The following PLEKHA6 variants were observed in gnomAD, a reference collection of about 807,000 sequenced individuals.
PLEKHA6 encodes the protein pleckstrin homology domain-containing family A member 6.
PLEKHA6 carries 60 observed loss-of-function variants against 116.7 expected under a neutral mutation model. The ratio of observed to expected loss-of-function variants is 0.51; its 90% CI spans 0.42 to 0.64. PLEKHA6 has a LOEUF of 0.64. PLEKHA6 is among the 30% of genes least tolerant of loss of function. PLEKHA6 has a pLI of 0.00. For synonymous variants in PLEKHA6, 489 were observed against 556.1 expected, an observed-to-expected ratio of 0.88 and a Z score of 1.70; for missense variants, 1,338 against 1,422.7, an observed-to-expected ratio of 0.94 and a Z score of 0.96.
chr1:204,347,100 G>T, intron 1 of PLEKHA6: 1 of 1,253,910 alleles, frequency 8.0e-7, no homozygotes, highest in Non-Finnish European at 1.2e-6. Context: ...AACGCGTGTG[G>T]GGCATTCCTT....
chr1:204,345,833 A>G (rs1673022122), intron 1 of PLEKHA6, among the ~76,000 whole-genome samples: 1 of 152,170 alleles, frequency 6.6e-6, no homozygotes, highest in African/African-American at 2.4e-5. Context: ...CTTAATGGTA[A>G]GAGACCAGAA....
At chr1:204,349,042 C>T (rs576134231) in intron 1 of PLEKHA6, among the ~76,000 whole-genome samples, 28 of 152,292 alleles carry the variant, frequency 1.8e-4, no homozygotes, top group Admixed American at 1.5e-3. Flanking sequence ...CCCTCAGACA[C>T]GGAGGGAACA....
At chr1:204,302,375 G>T (rs1331489319) in intron 1 of PLEKHA6, among the ~76,000 whole-genome samples, 2 of 151,384 alleles carry the variant, frequency 1.3e-5, no homozygotes, top group African/African-American at 4.9e-5. Flanking sequence ...TGCCCAGGCT[G>T]GTCTTTGCAT....
In PLEKHA6 at chr1:204,228,691, T is replaced by G. The variant is rs1468919181; in HGVS notation, c.2885+37A>C. On this transcript the variant is annotated intron_variant, in intron 20 of 22. Transcript: ENST00000272203. This position sits in a 1 kb window ranked among gnomAD's most constrained non-coding sequence, Gnocchi z 4.0. ...GGCCCAGGTGTCCTAGGTGCCAGGG[T>G]GAGCAGAGGAAGTAGAGGCTCACCC... The G allele has an allele frequency of 1.2e-6, 2 of 1,608,278 alleles. No individual in the cohort carries two copies. Among genetic ancestry groups the G allele is most frequent in the African/African-American group, 2.7e-5 (2 of 74,750 alleles).
rs1666642792 is a variant in PLEKHA6, at chr1:204,265,149, C to T, written c.281-107G>A. On this transcript the variant is annotated intron_variant, in intron 5 of 22. Transcript: ENST00000272203. ...TGTCCCTCCCTGATAAATATCAATA[C>T]ATATTTGTTGTTCACCTCCTGTTTG... The T allele has an allele frequency of 1.0e-5, 8 of 784,230 alleles. No homozygotes were observed. In the South Asian group the frequency reaches 1.2e-4, roughly 12 times the overall value. 48.6% of individuals were successfully genotyped at this position (784,230 alleles called of 1,614,324 possible).
chr1:204,364,577 C>T (rs758040926), upstream of PLEKHA6, among the ~76,000 whole-genome samples: 5 of 152,178 alleles, frequency 3.3e-5, no homozygotes, highest in Non-Finnish European at 7.3e-5. Context: ...CCTAGAGTGG[C>T]GGCTGCTGCT....
At chr1:204,281,908 T>C (rs1668662182) in intron 1 of PLEKHA6, among the ~76,000 whole-genome samples, 1 of 152,064 alleles carries the variant, frequency 6.6e-6, no homozygotes, top group Non-Finnish European at 1.5e-5. Flanking sequence ...CCCAGCCCCA[T>C]CCCAAAACCT....
At chr1:204,353,699 T>A (rs1420631241) in intron 1 of PLEKHA6, among the ~76,000 whole-genome samples, 1 of 152,198 alleles carries the variant, frequency 6.6e-6, no homozygotes, top group African/African-American at 2.4e-5. Context: ...GTGGGAACTA[T>A]TATTCCCATT....
intron 1 of PLEKHA6, among the ~76,000 whole-genome samples, chr1:204,347,419 A>C (rs1196114169): frequency 6.6e-6 from 1 of 151,736 alleles, no homozygotes; most frequent in Non-Finnish European, 1.5e-5. Context: ...TCTTTTTTCA[A>C]GGTGCCCAGA....
At chr1:204,254,859 A>G (rs1005787598) in intron 9 of PLEKHA6, among the ~76,000 whole-genome samples, 1 of 152,102 alleles carries the variant, frequency 6.6e-6, no homozygotes, top group Non-Finnish European at 1.5e-5. Context: ...TAAACTTAAG[A>G]GTATGTGCTT....
chr1:204,300,649 C>T (rs1286234084), intron 1 of PLEKHA6, among the ~76,000 whole-genome samples: 2 of 152,188 alleles, frequency 1.3e-5, no homozygotes, highest in Admixed American at 6.5e-5. Context: ...CAGAGCTCCC[C>T]GTGCCCACCC....
At chr1:204,307,598 C>G (rs1671433343) in intron 1 of PLEKHA6, among the ~76,000 whole-genome samples, 1 of 152,250 alleles carries the variant, frequency 6.6e-6, no homozygotes, top group Admixed American at 6.5e-5. Flanking sequence ...AAATCTGAAA[C>G]TGCAGGTTGG....
upstream of PLEKHA6, among the ~76,000 whole-genome samples, chr1:204,361,190 G>A (rs980564926): frequency 1.3e-5 from 2 of 152,028 alleles, no homozygotes; most frequent in African/African-American, 4.8e-5. Flanking sequence ...CACTCACCTG[G>A]TGATTGCATT....
At chr1:204,287,736 G>T (rs564565493) in intron 1 of PLEKHA6, among the ~76,000 whole-genome samples, 1 of 152,096 alleles carries the variant, frequency 6.6e-6, no homozygotes, top group African/African-American at 2.4e-5. Context: ...AAGAGAGGCC[G>T]ACGCTGCTTC....
intron 1 of PLEKHA6, 110 bp from the exon 2 acceptor site, chr1:204,274,919 G>A: frequency 2.0e-6 from 2 of 981,030 alleles, no homozygotes; most frequent in African/African-American, 1.8e-5. Context: ...CATGTAAGGA[G>A]CTTGTGCCTC....
chr1:204,254,880 C>A (rs1387495443), intron 9 of PLEKHA6, among the ~76,000 whole-genome samples: 4 of 151,992 alleles, frequency 2.6e-5, no homozygotes, highest in Admixed American at 2.6e-4. Flanking sequence ...ATATAAATAC[C>A]CAGCATATTG....
rs1242015464 is a variant in PLEKHA6, at chr1:204,230,596, T to C, written c.2410-10A>G. 2.5e-6 allele frequency: 4 copies of C among 1,594,022 alleles called. No individual in the cohort carries two copies. The highest frequency in any genetic ancestry group is 4.5e-5 in the East Asian group (2 of 44,236). ...CACTCTTGGGGCGTTCCTGCTGCCA[T>C]GGGAAAACAGGGCTCTGACAAGTGC... is the stretch of plus-strand genomic sequence containing the variant. On this transcript the variant is annotated splice_polypyrimidine_tract_variant and intron_variant, in intron 17 of 22. Transcript: ENST00000272203.
Position 204,228,996 on chromosome 1 carries a change from C to A in PLEKHA6, c.2692G>T (p.Ala898Ser), listed in dbSNP as rs752173465. Residue 898 changes from alanine (A) to serine (S), a missense_variant, in exon 19 of 23, where the codon GCC becomes TCC. By Grantham distance (99) the Ala-to-Ser change is moderately conservative. This residue lies in a region of PLEKHA6 where 1,136 missense variants were observed against 1,163.6 expected (regional missense o/e 0.98). Coordinates refer to ENST00000272203, the MANE Select transcript of PLEKHA6 (RefSeq NM_014935.5). This position sits in a 1 kb window ranked among gnomAD's most constrained non-coding sequence, Gnocchi z 4.0. ...HAYETPREEI[A>S]RLRKMELEPQ... ...TCTAGCTCCATTTTGCGAAGCCGGG[C>A]AATTTCCTCCCGGGGTGTCTCGTAG... 1.2e-6 allele frequency: 2 copies of A among 1,614,168 alleles called. No homozygotes were observed. Among genetic ancestry groups the A allele is most frequent in the South Asian group, 2.2e-5 (2 of 91,086 alleles).
chr1:204,290,208 C>T (rs1324856974), intron 1 of PLEKHA6, among the ~76,000 whole-genome samples: 5 of 152,178 alleles, frequency 3.3e-5, no homozygotes, highest in Admixed American at 3.3e-4. Context: ...CATGGAAATT[C>T]AAAGGATCCA....
Sources: gnomAD v4.1 joint callset for allele counts (sites outside exome capture counted in the v4.1 genomes callset) on GRCh38, gnomAD v4.1.1 for gene constraint, gnomAD v4.1.1 regional missense constraint, Gnocchi (gnomAD v3.1) non-coding constraint, MANE v1.5 for transcripts, NCBI Gene and HGNC (gene_info 2026-07-23, HGNC 2026-07-21) for gene names.